TNR: variants seen among roughly 807,000 people sequenced by gnomAD.
TNR encodes tenascin R.
A neutral mutation model predicts 150.4 loss-of-function variants in TNR; 45 were observed. The ratio of observed to expected loss-of-function variants is 0.30; its 90% confidence interval spans 0.24 to 0.38. TNR has a LOEUF of 0.38. TNR is among the 10% of genes least tolerant of loss of function. The pLI is 1.00. For missense variants in TNR, 1,544 were observed against 1,759.1 expected (o/e 0.88, Z 2.19); for synonymous variants, 687 against 678.4 (o/e 1.01, Z -0.20).
chr1:175,606,293 C>G lies in TNR; in HGVS notation c.-164-77924G>C, dbSNP rs142494966. 3.3e-4 allele frequency among the ~76,000 whole-genome samples: 51 copies of G among 152,250 alleles called. No individual in the cohort carries two copies. In the East Asian group the frequency reaches 9.8e-3, roughly 29 times the overall value. Reference sequence around the variant, plus strand: ...GGGCCACCAAGCAGGGCTCAGTGGGCTGGCTGGGACTTACAAGGACAGATG... The same window carrying G: ...GGGCCACCAAGCAGGGCTCAGTGGGGTGGCTGGGACTTACAAGGACAGATG... On this transcript the variant is annotated intron_variant, in intron 1 of 22. Coordinates refer to ENST00000367674, the MANE Select transcript of TNR (RefSeq NM_003285.3).
chr1:175,676,471 G>A (rs138375637), intron 1 of TNR, among the ~76,000 whole-genome samples: 15 of 152,178 alleles, frequency 9.9e-5, no homozygotes, highest in African/African-American at 3.1e-4. Flanking sequence ...ACCAGCAAGC[G>A]GAGCAGGCCA....
At chr1:175,445,778 G>T (rs931307893) in intron 2 of TNR, among the ~76,000 whole-genome samples, 5 of 152,292 alleles carry the variant, frequency 3.3e-5, no homozygotes, top group Non-Finnish European at 7.4e-5. Flanking sequence ...ACTCCCCGAG[G>T]TTAATAATTC....
At chr1:175,364,705 G>C (rs1217325179) in intron 12 of TNR, among the ~76,000 whole-genome samples, 1 of 152,186 alleles carries the variant, frequency 6.6e-6, no homozygotes, top group Non-Finnish European at 1.5e-5. Context: ...ATTCCTCTTG[G>C]AGACTAGCTT....
At chr1:175,389,754 C>A (rs1653090868) in intron 7 of TNR, among the ~76,000 whole-genome samples, 1 of 152,190 alleles carries the variant, frequency 6.6e-6, no homozygotes, top group Non-Finnish European at 1.5e-5. Flanking sequence ...GGGCATCACA[C>A]CTTTCTGCCC....
intron 14 of TNR, 96 bp downstream of exon 14, chr1:175,362,567 G>C: frequency 6.7e-7 from 1 of 1,488,402 alleles, no homozygotes; most frequent in Non-Finnish European, 9.1e-7. Flanking sequence ...CCCCGAAATG[G>C]AGCCTTAGCC....
chr1:175,485,211 AC>A (rs1295940049), intron 2 of TNR, among the ~76,000 whole-genome samples: 2 of 152,172 alleles, frequency 1.3e-5, no homozygotes, highest in Non-Finnish European at 2.9e-5. Context: ...CTGCTGGCCA[AC>A]CAAAAAATCT....
At position 175,527,552 on chromosome 1, in the gene TNR, G is replaced by A. The variant is rs567162176; in HGVS notation, c.-64+717C>T. 2.6e-5 allele frequency among the ~76,000 whole-genome samples: 4 copies of A among 152,186 alleles called. No individual in the cohort carries two copies. The South Asian group carries it at 6.2e-4, about 24-fold the overall frequency. On this transcript the variant is annotated intron_variant, in intron 2 of 22. Coordinates refer to ENST00000367674, the MANE Select transcript of TNR (RefSeq NM_003285.3). ...AGACTGGTGGCTATATTATTGTTTTGTGCAATAAAAAACGGCCACACCTGT... is the reference window on the plus strand; with the variant it reads ...AGACTGGTGGCTATATTATTGTTTTATGCAATAAAAAACGGCCACACCTGT...
chr1:175,519,916 G>T (rs962020713), intron 2 of TNR, among the ~76,000 whole-genome samples: 1 of 152,220 alleles, frequency 6.6e-6, no homozygotes, highest in African/African-American at 2.4e-5. Flanking sequence ...GGTAGTGCTT[G>T]TGTGAAGGAG....
At chr1:175,577,881 C>G (rs1214595188) in intron 1 of TNR, among the ~76,000 whole-genome samples, 1 of 152,136 alleles carries the variant, frequency 6.6e-6, no homozygotes. Context: ...CATGCCATTG[C>G]TCATGCAGAT....
At chr1:175,363,385 GTA>G in intron 13 of TNR, among the ~76,000 whole-genome samples, 1 of 152,224 alleles carries the variant, frequency 6.6e-6, no homozygotes, top group Non-Finnish European at 1.5e-5. Context: ...CTTCATTCTT[GTA>G]GGAATATTCA....
At chr1:175,490,618 A>C (rs998332594) in intron 2 of TNR, among the ~76,000 whole-genome samples, 4 of 152,250 alleles carry the variant, frequency 2.6e-5, no homozygotes, top group East Asian at 1.9e-4. Context: ...CATATGAAGA[A>C]AACCTCAACA....
At chr1:175,583,076 T>A (rs1449052242) in intron 1 of TNR, among the ~76,000 whole-genome samples, 1 of 152,142 alleles carries the variant, frequency 6.6e-6, no homozygotes, top group Non-Finnish European at 1.5e-5. Flanking sequence ...TCTCAGCTAT[T>A]CTGTTATAGC....
At chr1:175,467,642 G>T (rs1054197141) in intron 2 of TNR, among the ~76,000 whole-genome samples, 1 of 152,142 alleles carries the variant, frequency 6.6e-6, no homozygotes, top group Non-Finnish European at 1.5e-5. Context: ...GCTAGAAAGT[G>T]TAGCTGACAT....
chr1:175,677,608 C>T (rs928034600), intron 1 of TNR, among the ~76,000 whole-genome samples: 9 of 152,048 alleles, frequency 5.9e-5, no homozygotes, highest in African/African-American at 2.2e-4. Flanking sequence ...AACTCTTTCC[C>T]AGGAGGAAAA....
At chr1:175,575,595 G>T (rs1425928417) in intron 1 of TNR, among the ~76,000 whole-genome samples, 1 of 152,210 alleles carries the variant, frequency 6.6e-6, no homozygotes, top group Non-Finnish European at 1.5e-5. Flanking sequence ...AAGAGGAGTA[G>T]AACTCAAAGG....
At chr1:175,587,771 A>AT (rs1662632379) in intron 1 of TNR, among the ~76,000 whole-genome samples, 2 of 152,306 alleles carry the variant, frequency 1.3e-5, no homozygotes, top group Admixed American at 1.3e-4. Flanking sequence ...TGCCCAGGTG[A>AT]TTTTTAATGT....
chr1:175,399,506 C>T (rs1653597296), intron 4 of TNR, among the ~76,000 whole-genome samples: 1 of 152,176 alleles, frequency 6.6e-6, no homozygotes, highest in South Asian at 2.1e-4. Flanking sequence ...CAGCAACTGG[C>T]GTCATTCCTC....
At chr1:175,733,574 G>T (rs989286129) in intron 1 of TNR, among the ~76,000 whole-genome samples, 1 of 152,102 alleles carries the variant, frequency 6.6e-6, no homozygotes, top group Non-Finnish European at 1.5e-5. Context: ...AAAGGGGTAG[G>T]GGTAGAGGGG....
intron 2 of TNR, among the ~76,000 whole-genome samples, chr1:175,523,287 G>A (rs1659717872): frequency 6.6e-6 from 1 of 152,264 alleles, no homozygotes; most frequent in South Asian, 2.1e-4. Context: ...AAAATAATGT[G>A]AAAAATAAAA....
Sources: allele counts gnomAD v4.1 joint callset (sites outside exome capture counted in the v4.1 genomes callset), GRCh38; gene constraint gnomAD v4.1.1; transcripts MANE v1.5; gene names NCBI Gene and HGNC (gene_info 2026-07-23, HGNC 2026-07-21).